MAP6: variants seen among roughly 807,000 people sequenced by gnomAD.
MAP6 encodes microtubule associated protein 6.
Under a neutral mutation model 42.4 loss-of-function variants are expected in MAP6, and 26 were observed. The observed-to-expected ratio is 0.61, with a 90% CI of 0.45 to 0.85. The LOEUF (loss-of-function observed/expected upper bound fraction) is 0.85. Ranked by LOEUF, MAP6 falls within the 40% of genes least tolerant of loss-of-function variation. The probability of loss-of-function intolerance (pLI) is 0.00; values close to 1 mark genes in which losing one functional copy is unlikely to be tolerated. For missense variants in MAP6, 966 were observed against 1,099.0 expected, an observed-to-expected ratio of 0.88 and a Z score of 1.71; for synonymous variants, 418 against 443.8, an observed-to-expected ratio of 0.94 and a Z score of 0.73.
At position 75,587,627 on chromosome 11, in the gene MAP6, A is replaced by G. The variant is rs1250202386; in HGVS notation, c.1874T>C (p.Val625Ala). ...TGAGACCATGGGACCTTCATCCTTG[A>G]CAGGTGCTGGGACTATGGGACCTTC... is the stretch of plus-strand genomic sequence containing the variant. ...KGEGPIVPAPVKDEGPMVSAP... is the reference protein window; with the variant it reads ...KGEGPIVPAPAKDEGPMVSAP... The change falls in exon 4 of 4, where the codon GTC (valine) becomes GCC (alanine). Residue 625 changes from valine to alanine, a missense_variant. Val to Ala is a moderately conservative substitution (Grantham distance 64). Around this residue, in one of 2 missense-constraint regions of MAP6, gnomAD observed 943 missense variants for 1,049.9 expected, o/e 0.90. Transcript: ENST00000304771. 8.7e-6 allele frequency: 14 copies of G among 1,613,942 alleles called. No individual in the cohort carries two copies. The highest frequency in any genetic ancestry group is 1.3e-5 in the African/African-American group (1 of 74,888).
chr11:75,618,452 C>G (rs766172883), intron 1 of MAP6, among the ~76,000 whole-genome samples: 1 of 151,926 alleles, frequency 6.6e-6, no homozygotes, highest in African/African-American at 2.4e-5. Flanking sequence ...ACTAAAAATA[C>G]AAAAATTAGC....
intron 3 of MAP6, chr11:75,604,149 G>T (rs1942716193): frequency 1.0e-6 from 1 of 985,878 alleles, no homozygotes; most frequent in Non-Finnish European, 1.2e-6. Flanking sequence ...AGAAAGGAAG[G>T]TCGCAGTGGG....
At chr11:75,628,387 G>A (rs541720867) in intron 1 of MAP6, among the ~76,000 whole-genome samples, 15 of 152,288 alleles carry the variant, frequency 9.8e-5, no homozygotes, top group Non-Finnish European at 1.5e-4. Context: ...CAAAGCACCC[G>A]CAAGACAAAG....
chr11:75,654,271 A>G (rs1157739778), intron 1 of MAP6, among the ~76,000 whole-genome samples: 1 of 152,192 alleles, frequency 6.6e-6, no homozygotes, highest in Non-Finnish European at 1.5e-5. Flanking sequence ...GAATTACAAG[A>G]ATGTATTGTA....
At chr11:75,650,765 A>G (rs1943633686) in intron 1 of MAP6, among the ~76,000 whole-genome samples, 3 of 152,220 alleles carry the variant, frequency 2.0e-5, no homozygotes, top group Admixed American at 2.0e-4. Flanking sequence ...GGTCACAGAA[A>G]TAGTAAATGG....
intron 1 of MAP6, among the ~76,000 whole-genome samples, chr11:75,637,133 A>G (rs1439344647): frequency 6.6e-6 from 1 of 152,222 alleles, no homozygotes; most frequent in Non-Finnish European, 1.5e-5. Context: ...GAATTTAAAG[A>G]GTCAGGAAGC....
intron 1 of MAP6, among the ~76,000 whole-genome samples, chr11:75,630,971 T>C (rs1213283220): frequency 6.6e-6 from 1 of 152,226 alleles, no homozygotes; most frequent in African/African-American, 2.4e-5. Context: ...TCTAATGCAG[T>C]TGGTCAGAGG....
chr11:75,592,196 G>C (rs1434182160), intron 3 of MAP6, among the ~76,000 whole-genome samples: 1 of 152,184 alleles, frequency 6.6e-6, no homozygotes, highest in Non-Finnish European at 1.5e-5. Flanking sequence ...TCCTGCCTGT[G>C]TCTCTCCAGA....
intron 1 of MAP6, among the ~76,000 whole-genome samples, chr11:75,632,737 G>C (rs140725305): frequency 6.6e-6 from 1 of 152,268 alleles, no homozygotes; most frequent in East Asian, 1.9e-4. Flanking sequence ...TTATGACTGC[G>C]TAATGTGGAA....
intron 1 of MAP6, among the ~76,000 whole-genome samples, chr11:75,612,902 A>T (rs1942926187): frequency 1.3e-5 from 2 of 152,186 alleles, no homozygotes; most frequent in East Asian, 3.8e-4. Context: ...CTTTGTGGTT[A>T]GCAGGCAGTT....
chr11:75,638,671 T>C (rs1432946675), intron 1 of MAP6: 1 of 152,198 alleles, frequency 6.6e-6, no homozygotes, highest in East Asian at 1.9e-4. Context: ...CTGGCAAAGA[T>C]GCAGAGAAAA....
chr11:75,626,168 TGGATGCCCTAGA>T (rs1204246571), intron 1 of MAP6, among the ~76,000 whole-genome samples: 1 of 152,138 alleles, frequency 6.6e-6, no homozygotes, highest in Non-Finnish European at 1.5e-5. Flanking sequence ...CTCTCTGAAC[TGGATGCCCTAGA>T]GGACAGGAGC....
At chr11:75,652,018 T>G (rs1016789881) in intron 1 of MAP6, among the ~76,000 whole-genome samples, 1 of 152,184 alleles carries the variant, frequency 6.6e-6, no homozygotes, top group Non-Finnish European at 1.5e-5. Flanking sequence ...AACACCAACT[T>G]TGAACCCCAA....
chr11:75,663,589 A>G (rs1943894210), intron 1 of MAP6, among the ~76,000 whole-genome samples: 1 of 152,170 alleles, frequency 6.6e-6, no homozygotes, highest in Non-Finnish European at 1.5e-5. Flanking sequence ...GACATGGACA[A>G]GAGTATTTTA....
At chr11:75,629,519 T>C (rs1943251492) in intron 1 of MAP6, among the ~76,000 whole-genome samples, 1 of 152,192 alleles carries the variant, frequency 6.6e-6, no homozygotes. Flanking sequence ...CTGAATTAAT[T>C]CTGTCCTCAT....
chr11:75,646,370 AGCAACG>A (rs1312297385), intron 1 of MAP6, among the ~76,000 whole-genome samples: 3 of 152,098 alleles, frequency 2.0e-5, no homozygotes, highest in Non-Finnish European at 4.4e-5. Context: ...GGATTCAAGA[AGCAACG>A]GCTGGCTGGG....
At chr11:75,660,071 T>C (rs1384733464) in intron 1 of MAP6, among the ~76,000 whole-genome samples, 1 of 152,228 alleles carries the variant, frequency 6.6e-6, no homozygotes. Context: ...TGAGTTCATA[T>C]GAGGTTTCCA....
intron 3 of MAP6, 46 bp downstream of exon 3, chr11:75,605,762 G>A: frequency 1.3e-6 from 2 of 1,587,708 alleles, no homozygotes; most frequent in South Asian, 1.2e-5. Context: ...AAGTTGGGGG[G>A]AGGGAGAGAG....
chr11:75,591,478 C>G (rs543883551), intron 3 of MAP6, among the ~76,000 whole-genome samples: 1 of 152,314 alleles, frequency 6.6e-6, no homozygotes, highest in South Asian at 2.1e-4. Context: ...CTGTAAAGTG[C>G]CCCACCTCCT....
Sources: allele counts gnomAD v4.1 joint callset (sites outside exome capture counted in the v4.1 genomes callset), GRCh38; gene constraint gnomAD v4.1.1; regional missense constraint gnomAD v4.1.1; transcripts MANE v1.5; gene names NCBI Gene and HGNC (gene_info 2026-07-23, HGNC 2026-07-21).